The following MAP7 variants were observed in gnomAD, a reference collection of about 807,000 sequenced individuals.
MAP7 encodes the protein ensconsin.
A neutral mutation model predicts 94.8 loss-of-function variants in MAP7; 52 were observed. That is an observed-to-expected ratio of 0.55 (90% CI 0.44 to 0.69). The LOEUF (loss-of-function observed/expected upper bound fraction) is 0.69. MAP7 is among the 30% of genes least tolerant of loss of function. The pLI is 0.00. For synonymous variants in MAP7, 350 were observed against 357.0 expected (o/e 0.98, Z 0.22); for missense variants, 940 against 964.6 (o/e 0.97, Z 0.34).
At chr6:136,478,920 G>T (rs1811807523) in intron 1 of MAP7, among the ~76,000 whole-genome samples, 1 of 146,796 alleles carries the variant, frequency 6.8e-6, no homozygotes, top group African/African-American at 2.6e-5. Context: ...AAAAAGTGGA[G>T]GAGGGAGTAC....
intron 3 of MAP7, among the ~76,000 whole-genome samples, chr6:136,403,176 CCT>C (rs1388581836): frequency 3.3e-5 from 5 of 152,126 alleles, no homozygotes; most frequent in African/African-American, 1.2e-4. Context: ...ACATCCCCCA[CCT>C]CTCTCTGCTA....
intron 1 of MAP7, among the ~76,000 whole-genome samples, chr6:136,458,054 CTG>C (rs1361529470): frequency 6.6e-6 from 1 of 152,098 alleles, no homozygotes; most frequent in African/African-American, 2.4e-5. Context: ...CACAGAAAAA[CTG>C]TTAGGACTAA....
rs1001147440 is a variant in MAP7 at position 136,466,881 on chromosome 6, AGG to A, written c.68-45084_68-45083del. On this transcript the variant is annotated intron_variant, in intron 1 of 17. Coordinates refer to ENST00000354570, the MANE Select transcript of MAP7 (RefSeq NM_003980.6). ...CCAGGCAAAGACCAAATATCAGTGA[AGG>A]GGCCGTTTAATCATGCTAACTATTA... is the stretch of plus-strand genomic sequence containing the variant. The A allele has an allele frequency of 3.9e-6, 6 of 1,524,600 alleles. No individual in the cohort carries two copies. The African/African-American group carries it at 8.2e-5, about 21-fold the overall frequency. 94.4% of individuals were successfully genotyped at this position (1,524,600 alleles called of 1,614,324 possible).
In MAP7 at chr6:136,490,850, G is replaced by A. The variant is rs1021455684; in HGVS notation, c.67+59492C>T. On this transcript the variant is annotated intron_variant, in intron 1 of 17. Transcript: ENST00000354570. ...TGAGTCCCGCTCTCTCACACCTATA[G>A]GTCTGTCTGACAGGCCCTTGCCTGT... is the stretch of plus-strand genomic sequence containing the variant. Among the ~76,000 whole-genome samples, 3 of 152,244 alleles carry A rather than the reference G, an allele frequency of 2.0e-5. No homozygotes were observed. The South Asian group carries it at 6.2e-4, about 32-fold the overall frequency.
chr6:136,433,370 GACTGAGT>G (rs1420947244), intron 1 of MAP7, among the ~76,000 whole-genome samples: 11 of 152,216 alleles, frequency 7.2e-5, no homozygotes, highest in African/African-American at 1.9e-4. Context: ...CCACAGTCCT[GACTGAGT>G]ATTATTTACC....
intron 1 of MAP7, among the ~76,000 whole-genome samples, chr6:136,541,113 C>T (rs966738682): frequency 1.3e-5 from 2 of 152,140 alleles, no homozygotes; most frequent in South Asian, 4.1e-4. Context: ...CTGTCTGGTG[C>T]GCCTGCCACC....
intron 3 of MAP7, among the ~76,000 whole-genome samples, chr6:136,394,931 CATATATATATATATATATATATATAT>C (rs144839767): frequency 5.8e-4 from 16 of 27,502 alleles, no homozygotes; most frequent in Admixed American, 2.7e-3. Context: ...AATATTCCAT[CATATATATATATATATATATATATAT>C]ATATATATAT....
intron 1 of MAP7, among the ~76,000 whole-genome samples, chr6:136,474,548 C>T (rs1044002865): frequency 6.6e-6 from 1 of 152,102 alleles, no homozygotes; most frequent in Non-Finnish European, 1.5e-5. Context: ...TACAACAGAG[C>T]GGCCTCAGCG....
chr6:136,383,828 T>C, intron 5 of MAP7, 47 bp from the exon 6 acceptor site: 1 of 1,133,298 alleles, frequency 8.8e-7, no homozygotes, highest in South Asian at 1.3e-5. Flanking sequence ...CATGTAGGAT[T>C]GCAATTTCCT....
intron 1 of MAP7, among the ~76,000 whole-genome samples, chr6:136,449,545 T>C (rs1800464045): frequency 6.6e-6 from 1 of 152,204 alleles, no homozygotes; most frequent in South Asian, 2.1e-4. Context: ...TTGCCTTATT[T>C]GAACATGATT....
chr6:136,507,085 T>G (rs1242526362), intron 1 of MAP7, among the ~76,000 whole-genome samples: 1 of 152,072 alleles, frequency 6.6e-6, no homozygotes, highest in Admixed American at 6.6e-5. Flanking sequence ...ATCGTTTCTG[T>G]TTTTTTGCTC....
chr6:136,440,581 A>G (rs1251779653), intron 1 of MAP7, among the ~76,000 whole-genome samples: 3 of 152,230 alleles, frequency 2.0e-5, no homozygotes, highest in African/African-American at 7.2e-5. Flanking sequence ...TCACTTAAAA[A>G]TGCTTTTTGT....
At chr6:136,522,595 A>G (rs1249665897) in intron 1 of MAP7, among the ~76,000 whole-genome samples, 2 of 152,226 alleles carry the variant, frequency 1.3e-5, no homozygotes, top group Non-Finnish European at 2.9e-5. Flanking sequence ...GACACTAAGC[A>G]TGAAAACCAG....
intron 1 of MAP7, among the ~76,000 whole-genome samples, chr6:136,457,969 A>C (rs922690257): frequency 6.6e-6 from 1 of 152,168 alleles, no homozygotes; most frequent in Non-Finnish European, 1.5e-5. Context: ...AAAAAGAAAT[A>C]AGCACTGAAA....
intron 1 of MAP7, among the ~76,000 whole-genome samples, chr6:136,544,897 C>G (rs185656177): frequency 6.6e-6 from 1 of 152,106 alleles, no homozygotes; most frequent in African/African-American, 2.4e-5. Context: ...GAGTTCAAGT[C>G]CAGCCCAGGC....
intron 5 of MAP7, 102 bp from the exon 6 acceptor site, chr6:136,383,883 C>G (rs1199717640): frequency 1.4e-6 from 1 of 703,698 alleles, no homozygotes; most frequent in Non-Finnish European, 2.5e-6. Context: ...GCTTTCTGCT[C>G]TATTTCTAGA....
chr6:136,462,144 G>C (rs1485207076), intron 1 of MAP7, among the ~76,000 whole-genome samples: 1 of 148,028 alleles, frequency 6.8e-6, no homozygotes, highest in Non-Finnish European at 1.5e-5. Context: ...AATCTAGCCT[G>C]GGCAGCATAG....
chr6:136,525,806 G>C lies in MAP7; in HGVS notation c.67+24536C>G, dbSNP rs377150099. On this transcript the variant is annotated intron_variant, in intron 1 of 17. Transcript: ENST00000354570. ...GGAGACAAGGGCTGGATCTGGCTCC[G>C]ACCAAAGGGTGGAGCTAATGCATAC... is the stretch of plus-strand genomic sequence containing the variant. The C allele has an allele frequency of 2.6e-6, 4 of 1,528,098 alleles. No homozygotes were observed. The Admixed American group carries it at 6.1e-5, about 23-fold the overall frequency. The allele number at this position is 1,528,098 out of a possible 1,614,324, so 94.7% of individuals were successfully genotyped here.
intron 1 of MAP7, among the ~76,000 whole-genome samples, chr6:136,539,932 T>C (rs1276413709): frequency 2.0e-5 from 3 of 152,174 alleles, no homozygotes; most frequent in Non-Finnish European, 2.9e-5. Context: ...TAAGTCAGGA[T>C]TGTGCCACTG....
Sources: allele counts gnomAD v4.1 joint callset (sites outside exome capture counted in the v4.1 genomes callset), GRCh38; gene constraint gnomAD v4.1.1; transcripts MANE v1.5; gene names NCBI Gene and HGNC (gene_info 2026-07-23, HGNC 2026-07-21).